The following CACNA1C variants were observed in gnomAD, a reference collection of about 807,000 sequenced individuals.
The protein encoded by CACNA1C is voltage-dependent L-type calcium channel subunit alpha-1C.
In CACNA1C, 30 loss-of-function variants were observed where a neutral mutation model predicts 229.0. The ratio of observed to expected loss-of-function variants is 0.13; its 90% CI spans 0.10 to 0.18. The LOEUF (loss-of-function observed/expected upper bound fraction) is 0.18. Ranked by LOEUF, CACNA1C falls within the 10% of genes least tolerant of loss-of-function variation. The pLI, the probability that CACNA1C is intolerant of heterozygous loss-of-function variation, is 1.00. For synonymous variants in CACNA1C, 1,114 were observed against 1,132.5 expected (o/e 0.98, Z 0.33); for missense variants, 1,658 against 2,845.0 (o/e 0.58, Z 9.49).
intron 3 of CACNA1C, among the ~76,000 whole-genome samples, chr12:2,442,435 A>G (rs2099237979): frequency 6.6e-6 from 1 of 152,210 alleles, no homozygotes; most frequent in Non-Finnish European, 1.5e-5. Flanking sequence ...ATAGGAAGCA[A>G]TAAAGGAAAA....
chr12:2,002,505 G>A (rs550644016), intron 1 of CACNA1C, among the ~76,000 whole-genome samples: 1 of 152,326 alleles, frequency 6.6e-6, no homozygotes, highest in South Asian at 2.1e-4. Context: ...AATGCATTGT[G>A]ACACATCTGC....
intron 3 of CACNA1C, among the ~76,000 whole-genome samples, chr12:2,362,992 A>AT (rs2097600690): frequency 6.6e-6 from 1 of 152,262 alleles, no homozygotes; most frequent in African/African-American, 2.4e-5. Context: ...TGGCCGTAAC[A>AT]GGCTGTTAGT....
chr12:2,212,693 C>T (rs1474287316), intron 3 of CACNA1C, among the ~76,000 whole-genome samples: 1 of 151,962 alleles, frequency 6.6e-6, no homozygotes, highest in Non-Finnish European at 1.5e-5. Context: ...AGTCAGTTGC[C>T]CCTTCCCCAC....
intron 3 of CACNA1C, among the ~76,000 whole-genome samples, chr12:2,249,872 G>C (rs542354799): frequency 6.6e-6 from 1 of 150,376 alleles, no homozygotes; most frequent in Admixed American, 6.7e-5. Flanking sequence ...CCAGGTTCAC[G>C]CGATTCTCCT....
rs1454619253 is a variant in CACNA1C, at chr12:2,693,202, T to C, written c.*2003T>C. 1 of 152,222 alleles carries C rather than the reference T, an allele frequency of 6.6e-6. No homozygotes were observed. Among genetic ancestry groups the C allele is most frequent in the Non-Finnish European group, 1.5e-5 (1 of 68,052 alleles). 9.4% of individuals were successfully genotyped at this position (152,222 alleles called of 1,614,324 possible). The stretch of plus-strand genomic sequence containing the variant: ...TTATTCCAGTCTTCACTCTGTCCAC[T>C]CTGCTCTGGTCATCTGATTTGGTAC... On this transcript the variant is annotated 3_prime_UTR_variant, in exon 47 of 47. Coordinates refer to ENST00000399655, the MANE Select transcript of CACNA1C (RefSeq NM_000719.7).
chr12:2,604,669 A>G (rs909574665), intron 22 of CACNA1C, among the ~76,000 whole-genome samples: 1 of 152,224 alleles, frequency 6.6e-6, no homozygotes, highest in Non-Finnish European at 1.5e-5. Context: ...CCCATTTTAC[A>G]GATAAAGAAA....
chr12:2,691,221 T>G lies in CACNA1C; in HGVS notation c.*22T>G. Reference sequence around the variant, plus strand: ...GTAGTGGGCGCTGCCAGATGCGGGCTTTTTTTTATTTGTTTCAATGTTCCT... The same window carrying G: ...GTAGTGGGCGCTGCCAGATGCGGGCGTTTTTTTATTTGTTTCAATGTTCCT... On this transcript the variant is annotated 3_prime_UTR_variant, in exon 47 of 47. Transcript: ENST00000399655. 1 of 1,507,728 alleles carries G rather than the reference T, an allele frequency of 6.6e-7. No homozygotes were observed. The highest frequency in any genetic ancestry group is 8.9e-7 in the Non-Finnish European group (1 of 1,128,932). 93.4% of individuals were successfully genotyped at this position (1,507,728 alleles called of 1,614,324 possible).
intron 3 of CACNA1C, among the ~76,000 whole-genome samples, chr12:2,300,392 A>T (rs2094460337): frequency 6.6e-6 from 1 of 152,150 alleles, no homozygotes; most frequent in African/African-American, 2.4e-5. Flanking sequence ...GGCTGATTGC[A>T]GGTGGATCAC....
chr12:2,679,510 C>A lies in CACNA1C; in HGVS notation c.5158C>A (p.Gln1720Lys). ...YQSDGRSAFPQTFTTQRPLHI... is the reference protein window; with the variant it reads ...YQSDGRSAFPKTFTTQRPLHI... ...AAGCGACGGCCGGAGCGCCTTCCCC[C>A]AGACCTTCACCACTCAGCGCCCGCT... The change falls in exon 42 of 47, where the codon CAG becomes AAG. Residue 1720 changes from glutamine to lysine, a missense_variant. Physicochemically the swap from Gln to Lys is moderately conservative, Grantham distance 53. Around this residue, in one of 20 missense-constraint regions of CACNA1C, gnomAD observed 590 missense variants for 700.8 expected, o/e 0.84. Coordinates refer to ENST00000399655, the MANE Select transcript of CACNA1C (RefSeq NM_000719.7). This position sits in a 1 kb window ranked among gnomAD's most constrained non-coding sequence, Gnocchi z 5.5. The A allele has an allele frequency of 6.2e-7, 1 of 1,611,106 alleles. No individual in the cohort carries two copies. The highest frequency in any genetic ancestry group is 1.3e-5 in the African/African-American group (1 of 74,984).
rs73605770 is a variant in CACNA1C, at chr12:2,337,898, G to C, written c.478-111078G>C. Among the ~76,000 whole-genome samples, 837 of 152,274 alleles carry C rather than the reference G, an allele frequency of 5.5e-3. 5 individuals carry two copies. The highest frequency in any genetic ancestry group is 0.019 in the African/African-American group (793 of 41,554). ...CGCCTCCTCCTCTGACTTCAGGTTT[G>C]GTCTTTGCCTCTGGTCTCAGCCCCC... On this transcript the variant is annotated intron_variant, in intron 3 of 46. Coordinates refer to ENST00000399655, the MANE Select transcript of CACNA1C (RefSeq NM_000719.7).
chr12:2,504,557 A>T lies in CACNA1C; in HGVS notation c.1114-285A>T, dbSNP rs1465721334. 7.0e-7 allele frequency: 1 copy of T among 1,430,080 alleles called. No homozygotes were observed. Among genetic ancestry groups the T allele is most frequent in the Non-Finnish European group, 9.9e-7 (1 of 1,012,402 alleles). 88.6% of individuals were successfully genotyped at this position (1,430,080 alleles called of 1,614,324 possible). A position where few individuals can be genotyped will look rare whatever the true frequency, so the allele number is the denominator to read the frequency against. On this transcript the variant is annotated intron_variant, in intron 7 of 46. Coordinates refer to ENST00000399655, the MANE Select transcript of CACNA1C (RefSeq NM_000719.7). The surrounding 1 kb of genome is among the most constrained non-coding windows in gnomAD (Gnocchi z 6.8). ...TTGAGCGGGTAAGCTGACCGTTTCT[A>T]TGTCCTCTCCACAACGCAGCCGAGC... is the stretch of plus-strand genomic sequence containing the variant.
At chr12:2,345,238 G>A (rs1012799784) in intron 3 of CACNA1C, among the ~76,000 whole-genome samples, 2 of 151,990 alleles carry the variant, frequency 1.3e-5, no homozygotes, top group Non-Finnish European at 2.9e-5. Flanking sequence ...CTATGGGGCA[G>A]GGGTGACATT....
At chr12:2,300,030 CAATTTCT>C (rs1476607081) in intron 3 of CACNA1C, among the ~76,000 whole-genome samples, 12 of 152,210 alleles carry the variant, frequency 7.9e-5, no homozygotes, top group African/African-American at 2.7e-4. Context: ...ACTGTAAGAG[CAATTTCT>C]AAGATTTAAA....
rs1404753109 is a variant in CACNA1C, at chr12:2,583,777, C to A, written c.2225-726C>A. 2.0e-5 allele frequency among the ~76,000 whole-genome samples: 3 copies of A among 152,324 alleles called. No individual in the cohort carries two copies. In the East Asian group the frequency reaches 5.8e-4, roughly 29 times the overall value. On this transcript the variant is annotated intron_variant, in intron 15 of 46. Transcript: ENST00000399655. The stretch of plus-strand genomic sequence containing the variant: ...GGGATCATGCATGCAAGGCCTCTGC[C>A]ACATTCAGAAGCCACCCTGGACAAA...
chr12:2,276,758 A>G (rs191218604), intron 3 of CACNA1C, among the ~76,000 whole-genome samples: 295 of 152,324 alleles, frequency 1.9e-3, no homozygotes, highest in African/African-American at 6.4e-3. Flanking sequence ...TATTTGGAGC[A>G]CTATGGAAAT....
intron 5 of CACNA1C, among the ~76,000 whole-genome samples, chr12:2,477,475 C>T (rs922292141): frequency 6.6e-6 from 1 of 152,168 alleles, no homozygotes; most frequent in Non-Finnish European, 1.5e-5. Context: ...GTCTTATCTG[C>T]GAGTCATCCT....
intron 3 of CACNA1C, among the ~76,000 whole-genome samples, chr12:2,157,006 A>G (rs979158483): frequency 6.6e-6 from 1 of 152,230 alleles, no homozygotes; most frequent in African/African-American, 2.4e-5. Flanking sequence ...AAATTGAGAC[A>G]CAATTAAACT....
chr12:2,075,221 C>A (rs1333662155), intron 1 of CACNA1C, among the ~76,000 whole-genome samples: 1 of 152,144 alleles, frequency 6.6e-6, no homozygotes, highest in Non-Finnish European at 1.5e-5. Context: ...ATTCTGAAGA[C>A]AAATAACCAT....
intron 5 of CACNA1C, among the ~76,000 whole-genome samples, chr12:2,461,545 CT>C (rs34105383): frequency 6.6e-6 from 1 of 152,082 alleles, no homozygotes; most frequent in Admixed American, 6.5e-5. Flanking sequence ...CAGCCCAGAC[CT>C]TTTTTCCAAA....
Sources: allele counts gnomAD v4.1 joint callset (sites outside exome capture counted in the v4.1 genomes callset), GRCh38; gene constraint gnomAD v4.1.1; regional missense constraint gnomAD v4.1.1; non-coding constraint Gnocchi (gnomAD v3.1); transcripts MANE v1.5; gene names NCBI Gene and HGNC (gene_info 2026-07-23, HGNC 2026-07-21).